SEMA3D: variants seen among roughly 807,000 people sequenced by gnomAD.
SEMA3D encodes semaphorin 3D.
In SEMA3D, 84 loss-of-function variants were observed where a neutral mutation model predicts 100.1. The observed-to-expected ratio is 0.84, with a 90% CI of 0.70 to 1.01. The LOEUF (loss-of-function observed/expected upper bound fraction) is 1.01, where lower values mean the gene tolerates loss of function less well. SEMA3D is among the 50% of genes least tolerant of loss of function. The probability of loss-of-function intolerance (pLI) is 0.00; values close to 1 mark genes in which losing one functional copy is unlikely to be tolerated. For missense variants in SEMA3D, 875 were observed against 934.1 expected, an observed-to-expected ratio of 0.94 and a Z score of 0.82; for synonymous variants, 312 against 320.7, an observed-to-expected ratio of 0.97 and a Z score of 0.29.
chr7:85,197,161 TG>T, the SEMA3D span, among the ~76,000 whole-genome samples: 2 of 152,298 alleles, frequency 1.3e-5, no homozygotes, highest in Non-Finnish European at 2.9e-5. Flanking sequence ...CTGTCCTTTG[TG>T]GGGGAAAATT....
intron 11 of SEMA3D, 148 bp from the exon 12 acceptor site, chr7:85,037,181 T>G: frequency 1.6e-6 from 1 of 635,752 alleles, no homozygotes; most frequent in Non-Finnish European, 2.6e-6. Flanking sequence ...GCCTACGTCC[T>G]CAAGTGGCTT....
chr7:85,235,971 A>G, the SEMA3D span, among the ~76,000 whole-genome samples: 2 of 152,196 alleles, frequency 1.3e-5, no homozygotes, highest in Admixed American at 1.3e-4. Context: ...TTCTTAGTAT[A>G]TGAGTTACTT....
Position 84,999,107 on chromosome 7 carries a change from C to T in SEMA3D, c.*333G>A. ...ATGGACATTCGAGGGAATAAAGCAC[C>T]TTATACACTATCAAATTCGGGGCTT... On this transcript the variant is annotated 3_prime_UTR_variant, in exon 19 of 19. Coordinates refer to ENST00000284136, the MANE Select transcript of SEMA3D (RefSeq NM_001384900.1). 3.1e-6 allele frequency: 1 copy of T among 318,284 alleles called. No homozygotes were observed. Among genetic ancestry groups the T allele is most frequent in the Non-Finnish European group, 5.8e-6 (1 of 170,968 alleles). 19.7% of individuals were successfully genotyped at this position (318,284 alleles called of 1,614,324 possible).
intron 12 of SEMA3D, chr7:85,028,393 A>G (rs1429243374): frequency 6.1e-6 from 3 of 493,672 alleles, no homozygotes; most frequent in South Asian, 2.2e-5. Context: ...ACAAAAAAAA[A>G]AAAAAAAAAA....
chr7:85,209,454 A>C, the SEMA3D span, among the ~76,000 whole-genome samples: 2 of 152,008 alleles, frequency 1.3e-5, no homozygotes, highest in Non-Finnish European at 2.9e-5. Flanking sequence ...CTCTGAAGGG[A>C]TGATGGGGAG....
chr7:85,181,296 A>T (rs1791395978), intron 1 of SEMA3D, among the ~76,000 whole-genome samples: 1 of 149,362 alleles, frequency 6.7e-6, no homozygotes, highest in African/African-American at 2.5e-5. Context: ...TCTTGAAATG[A>T]CAAAGAATAA....
intron 11 of SEMA3D, among the ~76,000 whole-genome samples, chr7:85,037,705 A>G (rs1213291606): frequency 6.6e-5 from 10 of 152,090 alleles, no homozygotes. Flanking sequence ...CTTAATTATA[A>G]TTACACAGGA....
At chr7:85,249,495 T>C in the SEMA3D span, among the ~76,000 whole-genome samples, 2 of 152,188 alleles carry the variant, frequency 1.3e-5, no homozygotes, top group Non-Finnish European at 2.9e-5. Flanking sequence ...TTACACCCAG[T>C]CTACCATATT....
At chr7:85,113,498 C>T in intron 3 of SEMA3D, among the ~76,000 whole-genome samples, 1 of 151,554 alleles carries the variant, frequency 6.6e-6, no homozygotes, top group East Asian at 1.9e-4. Flanking sequence ...ATGGGCCGGG[C>T]GCGGTGGTTC....
chr7:85,187,126 C>T (rs1393792292), upstream of SEMA3D, among the ~76,000 whole-genome samples: 12 of 152,172 alleles, frequency 7.9e-5, no homozygotes, highest in Admixed American at 4.6e-4. Context: ...CCCTCGCCCC[C>T]TCCTTCCACT....
chr7:85,079,137 T>C (rs768457412), intron 5 of SEMA3D, among the ~76,000 whole-genome samples: 3 of 152,196 alleles, frequency 2.0e-5, no homozygotes, highest in Non-Finnish European at 2.9e-5. Flanking sequence ...CCATTTAAGA[T>C]TTTTTGCTTT....
the SEMA3D span, among the ~76,000 whole-genome samples, chr7:85,248,826 A>G: frequency 2.6e-5 from 4 of 152,136 alleles, no homozygotes; most frequent in Non-Finnish European, 4.4e-5. Flanking sequence ...GATTTAGCAG[A>G]GAGGTTATAG....
chr7:85,080,279 A>G (rs1788015131), intron 5 of SEMA3D, among the ~76,000 whole-genome samples: 1 of 152,154 alleles, frequency 6.6e-6, no homozygotes, highest in South Asian at 2.1e-4. Flanking sequence ...TCATATACAT[A>G]TTTAGGATCT....
intron 3 of SEMA3D, among the ~76,000 whole-genome samples, chr7:85,110,589 T>A (rs564974936): frequency 6.6e-6 from 1 of 152,122 alleles, no homozygotes; most frequent in East Asian, 1.9e-4. Context: ...GCATTTATTA[T>A]GCAAAATAAG....
At chr7:85,113,813 C>T (rs1277372872) in intron 3 of SEMA3D, among the ~76,000 whole-genome samples, 1 of 151,488 alleles carries the variant, frequency 6.6e-6, no homozygotes, top group East Asian at 1.9e-4. Flanking sequence ...GGAAAGAAAT[C>T]CGTTAATATT....
intron 2 of SEMA3D, chr7:85,141,094 A>T: frequency 1.0e-6 from 1 of 969,320 alleles, no homozygotes; most frequent in East Asian, 1.1e-4. Context: ...CACATTAAAA[A>T]TTTCAGAGAT....
At chr7:85,224,908 A>G in the SEMA3D span, among the ~76,000 whole-genome samples, 8 of 151,544 alleles carry the variant, frequency 5.3e-5, no homozygotes, top group African/African-American at 1.9e-4. Flanking sequence ...GATTTTGTCC[A>G]GTTTCATTCT....
At chr7:85,026,269 A>G (rs1002379749) in intron 12 of SEMA3D, among the ~76,000 whole-genome samples, 4 of 152,002 alleles carry the variant, frequency 2.6e-5, no homozygotes, top group Non-Finnish European at 4.4e-5. Flanking sequence ...TAATTTAGAG[A>G]GATGATAAAG....
the SEMA3D span, among the ~76,000 whole-genome samples, chr7:85,248,967 A>T: frequency 6.6e-5 from 10 of 152,200 alleles, no homozygotes; most frequent in Non-Finnish European, 4.4e-5. Flanking sequence ...ACCCAAATGT[A>T]AACTATGGAC....
Sources: gnomAD v4.1 joint callset for allele counts (sites outside exome capture counted in the v4.1 genomes callset) on GRCh38, gnomAD v4.1.1 for gene constraint, MANE v1.5 for transcripts, NCBI Gene and HGNC (gene_info 2026-07-23, HGNC 2026-07-21) for gene names.